KCNH1: variants seen among roughly 807,000 people sequenced by gnomAD.
The protein encoded by KCNH1 is potassium voltage-gated channel subfamily H member 1, also known as voltage-gated delayed rectifier potassium channel KCNH1.
Under a neutral mutation model 69.2 loss-of-function variants are expected in KCNH1, and 27 were observed. The observed-to-expected ratio is 0.39, with a 90% CI of 0.29 to 0.54. KCNH1 has a LOEUF of 0.54. Ranked by LOEUF, KCNH1 falls within the 20% of genes least tolerant of loss-of-function variation. KCNH1 has a pLI of 0.68. For missense variants in KCNH1, 798 were observed against 1,261.6 expected (o/e 0.63, Z 5.57); for synonymous variants, 456 against 487.7 (o/e 0.93, Z 0.86).
intron 6 of KCNH1, among the ~76,000 whole-genome samples, chr1:210,983,877 C>T (rs1224348144): frequency 2.0e-5 from 3 of 152,278 alleles, no homozygotes; most frequent in East Asian, 1.9e-4. Context: ...TGGCCATTTT[C>T]GTGATATTGA....
intron 10 of KCNH1, among the ~76,000 whole-genome samples, chr1:210,769,404 G>A (rs1468490887): frequency 1.3e-5 from 2 of 152,140 alleles, no homozygotes; most frequent in African/African-American, 4.8e-5. Flanking sequence ...GGCAACCTCA[G>A]TTTTAGAAAA....
intron 6 of KCNH1, among the ~76,000 whole-genome samples, chr1:210,982,303 G>A (rs745659608): frequency 3.9e-5 from 6 of 151,918 alleles, no homozygotes; most frequent in Admixed American, 6.6e-5. Context: ...AAGTTTTAGG[G>A]TACATGTGCA....
intron 10 of KCNH1, among the ~76,000 whole-genome samples, chr1:210,698,363 T>C (rs1052366375): frequency 7.2e-5 from 11 of 152,126 alleles, no homozygotes; most frequent in African/African-American, 2.4e-4. Flanking sequence ...CCAAGGGGTC[T>C]GGAGAAAGCC....
intron 10 of KCNH1, among the ~76,000 whole-genome samples, chr1:210,749,063 C>T (rs1182814618): frequency 3.9e-5 from 6 of 152,188 alleles, no homozygotes; most frequent in South Asian, 4.1e-4. Context: ...CTCCTGCTTT[C>T]GGTAGCCAGG....
At chr1:210,731,476 A>G (rs1302948920) in intron 10 of KCNH1, among the ~76,000 whole-genome samples, 1 of 152,140 alleles carries the variant, frequency 6.6e-6, no homozygotes, top group Non-Finnish European at 1.5e-5. Context: ...ATCTCTCCAC[A>G]GAAAAATTAT....
rs567419001 is a variant in KCNH1 at position 210,905,257 on chromosome 1, C to T, written c.1462+14383G>A. 2.4e-4 allele frequency among the ~76,000 whole-genome samples: 36 copies of T among 152,218 alleles called. 1 individual carries two copies. The South Asian group carries it at 6.0e-3, about 25-fold the overall frequency. ...TGCCTGTTTTCTTACCTGTAAAATGCGAATAATAGTCCCATCTCACAGGGT... is the reference window on the plus strand; with the variant it reads ...TGCCTGTTTTCTTACCTGTAAAATGTGAATAATAGTCCCATCTCACAGGGT... On this transcript the variant is annotated intron_variant, in intron 7 of 10. Coordinates refer to ENST00000271751, the MANE Select transcript of KCNH1 (RefSeq NM_172362.3).
At chr1:210,900,233 G>C (rs769453122) in intron 7 of KCNH1, among the ~76,000 whole-genome samples, 2 of 152,208 alleles carry the variant, frequency 1.3e-5, no homozygotes, top group Non-Finnish European at 2.9e-5. Flanking sequence ...GTCTTGCTCA[G>C]AGCCATCCCC....
chr1:210,887,455 G>A (rs1270715182), intron 7 of KCNH1, among the ~76,000 whole-genome samples: 1 of 152,078 alleles, frequency 6.6e-6, no homozygotes, highest in Non-Finnish European at 1.5e-5. Flanking sequence ...AAATTGTAAG[G>A]ACCATAGATA....
At position 211,003,030 on chromosome 1, in the gene KCNH1, G is replaced by GTTT. The variant is rs531072730; in HGVS notation, c.1032+15750_1032+15752dup. Among the ~76,000 whole-genome samples, 22 of 145,670 alleles carry GTTT rather than the reference G, an allele frequency of 1.5e-4. No individual in the cohort carries two copies. In the South Asian group the frequency reaches 4.6e-3, roughly 31 times the overall value. On this transcript the variant is annotated intron_variant, in intron 6 of 10. Transcript: ENST00000271751. ...TCGGTATGACTTGTGAGCTAAGAAT[G>GTTT]TTTTTTGTTTGTTTGTTTGTTTGTT...
intron 6 of KCNH1, among the ~76,000 whole-genome samples, chr1:210,964,735 T>C (rs1248967904): frequency 6.6e-6 from 1 of 152,140 alleles, no homozygotes. Flanking sequence ...CAGGGACTCA[T>C]CCCTAACTCA....
At chr1:210,870,356 C>T (rs1333044388) in intron 7 of KCNH1, among the ~76,000 whole-genome samples, 1 of 152,098 alleles carries the variant, frequency 6.6e-6, no homozygotes, top group East Asian at 1.9e-4. Flanking sequence ...TGTGCAATAT[C>T]CAAGGCTTGA....
chr1:210,965,553 C>A (rs965558987), intron 6 of KCNH1, among the ~76,000 whole-genome samples: 2 of 151,994 alleles, frequency 1.3e-5, no homozygotes, highest in Non-Finnish European at 2.9e-5. Flanking sequence ...AGGCATCATA[C>A]TACCTGACTT....
chr1:210,876,773 T>C (rs1263891547), intron 7 of KCNH1, among the ~76,000 whole-genome samples: 1 of 152,102 alleles, frequency 6.6e-6, no homozygotes, highest in Non-Finnish European at 1.5e-5. Flanking sequence ...CTCAGCTCTG[T>C]ATGGGGCAGT....
chr1:210,968,688 G>A (rs1047439856), intron 6 of KCNH1, among the ~76,000 whole-genome samples: 5 of 151,900 alleles, frequency 3.3e-5, no homozygotes, highest in South Asian at 4.2e-4. Flanking sequence ...GTCTGTTCAT[G>A]TCCTTCGCCC....
intron 6 of KCNH1, among the ~76,000 whole-genome samples, chr1:210,927,257 C>T (rs1332899970): frequency 6.6e-6 from 1 of 152,116 alleles, no homozygotes; most frequent in African/African-American, 2.4e-5. Flanking sequence ...ATCGTCTAGG[C>T]ACACAGTCAT....
chr1:210,717,184 T>C (rs1682278472), intron 10 of KCNH1, among the ~76,000 whole-genome samples: 1 of 152,150 alleles, frequency 6.6e-6, no homozygotes, highest in Non-Finnish European at 1.5e-5. Context: ...CCCTGAGGGA[T>C]TTTGAAGAGC....
Position 210,757,491 on chromosome 1 carries a change from G to A in KCNH1, c.2112+17857C>T, listed in dbSNP as rs182176971. Among the ~76,000 whole-genome samples the A allele has an allele frequency of 2.6e-5, 4 of 152,294 alleles. No homozygotes were observed. The East Asian group carries it at 7.7e-4, about 29-fold the overall frequency. ...TATCATATTCCCACTCTTCCTTTAAGGCTTCTTCCCAGCCCAGCTTTGGCC... is the reference window on the plus strand; with the variant it reads ...TATCATATTCCCACTCTTCCTTTAAAGCTTCTTCCCAGCCCAGCTTTGGCC... On this transcript the variant is annotated intron_variant, in intron 10 of 10. Coordinates refer to ENST00000271751, the MANE Select transcript of KCNH1 (RefSeq NM_172362.3).
At chr1:210,959,358 A>G (rs1688251048) in intron 6 of KCNH1, among the ~76,000 whole-genome samples, 1 of 152,166 alleles carries the variant, frequency 6.6e-6, no homozygotes, top group South Asian at 2.1e-4. Context: ...TGTCCCAGTT[A>G]GGCCACATGG....
At chr1:210,753,696 C>G (rs1427123920) in intron 10 of KCNH1, among the ~76,000 whole-genome samples, 2 of 152,188 alleles carry the variant, frequency 1.3e-5, no homozygotes, top group African/African-American at 4.8e-5. Flanking sequence ...CCAAAAGGCT[C>G]TGCACTCAGT....
Sources: allele counts gnomAD v4.1 joint callset (sites outside exome capture counted in the v4.1 genomes callset), GRCh38; gene constraint gnomAD v4.1.1; transcripts MANE v1.5; gene names NCBI Gene and HGNC (gene_info 2026-07-23, HGNC 2026-07-21).